The following ANKRD11 variants were observed in gnomAD, a reference collection of about 807,000 sequenced individuals.
ANKRD11 encodes the protein ankyrin repeat domain-containing protein 11.
In ANKRD11, 17 loss-of-function variants were observed where a neutral mutation model predicts 195.7. The observed-to-expected ratio is 0.09, with a 90% CI of 0.06 to 0.13. The LOEUF (loss-of-function observed/expected upper bound fraction) is 0.13, where lower values mean the gene tolerates loss of function less well. Ranked by LOEUF, ANKRD11 falls within the 10% of genes least tolerant of loss-of-function variation. The pLI is 1.00. For synonymous variants in ANKRD11, 1,953 were observed against 1,528.1 expected, an observed-to-expected ratio of 1.28 and a Z score of -6.49; for missense variants, 3,735 against 3,566.1, an observed-to-expected ratio of 1.05 and a Z score of -1.21.
At chr16:89,363,554 C>G (rs2039822946) in intron 2 of ANKRD11, among the ~76,000 whole-genome samples, 1 of 152,106 alleles carries the variant, frequency 6.6e-6, no homozygotes, top group South Asian at 2.1e-4. Context: ...ACATAGTTCA[C>G]AATTCTGAGT....
At chr16:89,465,811 C>A (rs530038094) in intron 1 of ANKRD11, among the ~76,000 whole-genome samples, 2 of 152,144 alleles carry the variant, frequency 1.3e-5, no homozygotes, top group Non-Finnish European at 2.9e-5. Flanking sequence ...CCTGAGTTCA[C>A]GCCATTCTCC....
chr16:89,393,410 G>A (rs1175315188), intron 2 of ANKRD11, among the ~76,000 whole-genome samples: 1 of 148,908 alleles, frequency 6.7e-6, no homozygotes, highest in African/African-American at 2.5e-5. Context: ...TGCAACCTCT[G>A]CCTCCTGAGT....
At chr16:89,471,192 A>T (rs1362743874) in intron 1 of ANKRD11, among the ~76,000 whole-genome samples, 2 of 152,120 alleles carry the variant, frequency 1.3e-5, no homozygotes, top group African/African-American at 4.8e-5. Flanking sequence ...CCTCTGTTTT[A>T]AAAGTAAAAA....
At chr16:89,318,057 C>T (rs562090961) in intron 2 of ANKRD11, among the ~76,000 whole-genome samples, 8 of 152,332 alleles carry the variant, frequency 5.3e-5, no homozygotes, top group African/African-American at 1.9e-4. Flanking sequence ...CTGCAGGAAA[C>T]CCAACAGGCA....
intron 4 of ANKRD11, among the ~76,000 whole-genome samples, chr16:89,293,902 CTT>C (rs1164091293): frequency 2.0e-5 from 3 of 152,166 alleles, no homozygotes; most frequent in Admixed American, 6.5e-5. Flanking sequence ...AGAAGTCAGT[CTT>C]TAGGCTGGCA....
chr16:89,316,436 A>C (rs2036959921), intron 3 of ANKRD11, among the ~76,000 whole-genome samples: 1 of 152,158 alleles, frequency 6.6e-6, no homozygotes, highest in South Asian at 2.1e-4. Flanking sequence ...AGGAAACTGC[A>C]TCACCCCCCA....
Position 89,283,737 on chromosome 16 carries a change from C to T in ANKRD11, c.2805G>A (p.Ser935=), listed in dbSNP as rs149751840. 124 of 1,613,330 alleles carry T rather than the reference C, an allele frequency of 7.7e-5. No individual in the cohort carries two copies. Among genetic ancestry groups the T allele is most frequent in the Admixed American group, 2.0e-4 (12 of 59,888 alleles). ...EKHKSVPGYL[S]EKDKKRRESA... is the part of the protein sequence containing the mutation. ...ACTCTCTCCTCTTCTTGTCCTTTTC[C>T]GAAAGGTAGCCAGGGACACTTTTAT... Residue 935 remains serine (S), a synonymous_variant, in exon 9 of 13, where the codon TCG becomes TCA. Coordinates refer to ENST00000301030, the MANE Select transcript of ANKRD11 (RefSeq NM_013275.6). The surrounding 1 kb of genome is among the most constrained non-coding windows in gnomAD (Gnocchi z 4.3).
intron 2 of ANKRD11, among the ~76,000 whole-genome samples, chr16:89,349,001 A>G (rs2039071181): frequency 6.6e-6 from 1 of 151,380 alleles, no homozygotes; most frequent in East Asian, 1.9e-4. Context: ...AGTAGAGCGC[A>G]CTTGTAATCC....
intron 2 of ANKRD11, among the ~76,000 whole-genome samples, chr16:89,342,775 C>G (rs988271724): frequency 1.3e-5 from 2 of 152,204 alleles, no homozygotes; most frequent in African/African-American, 4.8e-5. Context: ...AGGAAACACA[C>G]AATTGCATGT....
Position 89,268,275 on chromosome 16 carries a change from G to C in ANKRD11, c.*203C>G. On this transcript the variant is annotated 3_prime_UTR_variant, in exon 13 of 13. Transcript: ENST00000301030. ...TGGGGGCTTTGCCCCCGCCGCGGCAGCTGGTAGAGAAGAGACGTGTTTCAC... is the reference window on the plus strand; with the variant it reads ...TGGGGGCTTTGCCCCCGCCGCGGCACCTGGTAGAGAAGAGACGTGTTTCAC... 3.1e-6 allele frequency: 1 copy of C among 319,176 alleles called. No homozygotes were observed. The highest frequency in any genetic ancestry group is 5.5e-6 in the Non-Finnish European group (1 of 180,858). 19.8% of individuals were successfully genotyped at this position (319,176 alleles called of 1,614,324 possible).
At chr16:89,307,602 G>T (rs62070788) in intron 3 of ANKRD11, among the ~76,000 whole-genome samples, 17,306 of 152,084 alleles carry the variant, frequency 0.11, 1,313 homozygotes, top group East Asian at 0.34. Flanking sequence ...GCCTCCGGAG[G>T]GTTAACACCC....
At chr16:89,461,496 C>G (rs1256497168) in intron 1 of ANKRD11, among the ~76,000 whole-genome samples, 2 of 152,118 alleles carry the variant, frequency 1.3e-5, no homozygotes, top group African/African-American at 2.4e-5. Context: ...CACCTGCCAC[C>G]ACGCCTGGCT....
intron 1 of ANKRD11, among the ~76,000 whole-genome samples, chr16:89,480,238 AG>A (rs1567863640): frequency 1.3e-5 from 2 of 152,124 alleles, no homozygotes; most frequent in African/African-American, 4.8e-5. Context: ...GCACTTTGAG[AG>A]GCCAAGGCGG....
intron 1 of ANKRD11, among the ~76,000 whole-genome samples, chr16:89,426,194 A>T (rs1388963166): frequency 6.6e-6 from 1 of 152,172 alleles, no homozygotes; most frequent in African/African-American, 2.4e-5. Context: ...AAACAGATAC[A>T]CAGCTATAAC....
chr16:89,465,125 G>A (rs2056839297), intron 1 of ANKRD11, among the ~76,000 whole-genome samples: 1 of 152,160 alleles, frequency 6.6e-6, no homozygotes, highest in Non-Finnish European at 1.5e-5. Context: ...GTGTGGCCCC[G>A]GTTCCTTCCA....
chr16:89,362,535 C>T (rs1359664320), intron 2 of ANKRD11, among the ~76,000 whole-genome samples: 1 of 152,256 alleles, frequency 6.6e-6, no homozygotes. Flanking sequence ...GCGGAGCACA[C>T]ATCTCAGCTG....
At chr16:89,288,088 A>G in intron 7 of ANKRD11, 2 of 568,600 alleles carry the variant, frequency 3.5e-6, no homozygotes, top group African/African-American at 1.9e-5. Context: ...CACAATGGCC[A>G]CTTTCTAAAG....
At chr16:89,332,551 G>T (rs959261709) in intron 2 of ANKRD11, among the ~76,000 whole-genome samples, 15 of 152,226 alleles carry the variant, frequency 9.9e-5, no homozygotes, top group African/African-American at 3.6e-4. Context: ...TCTATAAAAT[G>T]AGGACAAGAA....
chr16:89,396,665 G>T (rs977201564), intron 2 of ANKRD11, among the ~76,000 whole-genome samples: 1 of 152,050 alleles, frequency 6.6e-6, no homozygotes, highest in Admixed American at 6.6e-5. Context: ...TTAAGGAAAT[G>T]CTCCTCTAAT....
Sources: allele counts gnomAD v4.1 joint callset (sites outside exome capture counted in the v4.1 genomes callset), GRCh38; gene constraint gnomAD v4.1.1; non-coding constraint Gnocchi (gnomAD v3.1); transcripts MANE v1.5; gene names NCBI Gene and HGNC (gene_info 2026-07-23, HGNC 2026-07-21).